POTEJ: variants seen among roughly 807,000 people sequenced by gnomAD.
POTEJ encodes POTE ankyrin domain family, member J.
A neutral mutation model predicts 69.0 loss-of-function variants in POTEJ; 11 were observed. The observed-to-expected ratio is 0.16, with a 90% CI of 0.10 to 0.26. The LOEUF is 0.26. Among genes scored for constraint, POTEJ ranks in the 10% least tolerant of loss-of-function variants. The probability of loss-of-function intolerance (pLI) is 1.00; values close to 1 mark genes in which losing one functional copy is unlikely to be tolerated. For missense variants in POTEJ, 327 were observed against 1,045.5 expected (o/e 0.31, Z 9.48); for synonymous variants, 117 against 381.1 (o/e 0.31, Z 8.07).
chr2:130,634,081 G>A (rs1686003076), intron 9 of POTEJ, among the ~76,000 whole-genome samples: 1 of 152,134 alleles, frequency 6.6e-6, no homozygotes, highest in Admixed American at 6.5e-5. Flanking sequence ...CCAGCTAATT[G>A]ACACTATGGA....
chr2:130,631,955 T>A (rs1403130230), intron 8 of POTEJ, among the ~76,000 whole-genome samples: 2 of 143,392 alleles, frequency 1.4e-5, no homozygotes. Flanking sequence ...GTTTTTGATA[T>A]CTCAGCAACC....
chr2:130,615,585 C>G (rs544121018), intron 1 of POTEJ, among the ~76,000 whole-genome samples: 6 of 140,680 alleles, frequency 4.3e-5, no homozygotes, highest in South Asian at 4.3e-4. Flanking sequence ...AGGGAAGGAA[C>G]ACACACTGGG....
rs1038620066 is a variant in POTEJ, at chr2:130,656,971, C to T, written c.2211C>T (p.Gly737=). Residue 737 remains glycine (G), a synonymous_variant, in exon 15 of 15, where the codon GGC becomes GGT. Transcript: ENST00000409602. ...CCCTGAAGTACCCCATGGAACACGG[C>T]ATCATCACCAACTGGGATGACATGG... ...ILTLKYPMEH[G]IITNWDDMEK... is the part of the protein sequence containing the mutation. 6.3e-7 allele frequency: 1 copy of T among 1,590,184 alleles called. No homozygotes were observed. Among genetic ancestry groups the T allele is most frequent in the East Asian group, 2.2e-5 (1 of 44,890 alleles).
Position 130,656,699 on chromosome 2 carries a change from A to G in POTEJ, c.1939A>G (p.Lys647Glu). Residue 647 changes from lysine (K) to glutamate (E), a missense_variant, in exon 15 of 15, where the codon AAA becomes GAA. Coordinates refer to ENST00000409602, the MANE Select transcript of POTEJ (RefSeq NM_001277083.2). ...KKYLEDIESV[K>E]KKNDNLLKAL... ...ATATTTGGAGGATATTGAAAGTGTGAAAAAAAAGAATGATAATCTTTTAAA... is the reference window on the plus strand; with the variant it reads ...ATATTTGGAGGATATTGAAAGTGTGGAAAAAAAGAATGATAATCTTTTAAA... The G allele has an allele frequency of 6.2e-7, 1 of 1,610,068 alleles. No individual in the cohort carries two copies. Among genetic ancestry groups the G allele is most frequent in the Non-Finnish European group, 8.5e-7 (1 of 1,179,780 alleles).
chr2:130,637,968 T>G (rs75582591), intron 9 of POTEJ, among the ~76,000 whole-genome samples: 1 of 111,110 alleles, frequency 9.0e-6, no homozygotes, highest in Non-Finnish European at 2.0e-5. Flanking sequence ...TGAAAAAATT[T>G]AGTTACAAAC....
chr2:130,615,006 G>T (rs1278843091), intron 1 of POTEJ, among the ~76,000 whole-genome samples: 1 of 4,776 alleles, frequency 2.1e-4, no homozygotes, highest in Non-Finnish European at 4.1e-4. Context: ...AAATATAAAT[G>T]ATTATTGCTA....
chr2:130,656,703 A>G lies in POTEJ; in HGVS notation c.1943A>G (p.Lys648Arg). 1.2e-6 allele frequency: 2 copies of G among 1,610,246 alleles called. No individual in the cohort carries two copies. The highest frequency in any genetic ancestry group is 2.2e-5 in the East Asian group (1 of 44,896). Reference sequence around the variant, plus strand: ...TTGGAGGATATTGAAAGTGTGAAAAAAAAGAATGATAATCTTTTAAAGGCT... The same window carrying G: ...TTGGAGGATATTGAAAGTGTGAAAAGAAAGAATGATAATCTTTTAAAGGCT... ...KYLEDIESVK[K>R]KNDNLLKALQ... The change falls in exon 15 of 15, where the codon AAA becomes AGA. Residue 648 changes from lysine (K) to arginine (R), a missense_variant. Transcript: ENST00000409602.
rs544291308 is a variant in POTEJ at position 130,611,793 on chromosome 2, C to A, written c.261C>A (p.Asp87Glu). ...ACGTGGGTGCTTGGGGAGACTACGACGACAGCGCCTTCGTGGAGCCGAGAT... is the reference window on the plus strand; with the variant it reads ...ACGTGGGTGCTTGGGGAGACTACGAAGACAGCGCCTTCGTGGAGCCGAGAT... The part of the protein sequence containing the change: ...KSNVGAWGDY[D>E]DSAFVEPRYH... Residue 87 changes from aspartate to glutamate, a missense_variant, in exon 1 of 15, where the codon GAC becomes GAA. By Grantham distance (45) the Asp-to-Glu change is conservative (BLOSUM62 2). Transcript: ENST00000409602. 6.4e-5 allele frequency: 96 copies of A among 1,494,428 alleles called. No homozygotes were observed. In the Middle Eastern group the frequency reaches 8.3e-4, roughly 13 times the overall value. The allele number at this position is 1,494,428 out of a possible 1,614,324, so 92.6% of individuals were successfully genotyped here. A position where few individuals can be genotyped will look rare whatever the true frequency, so the allele number is the denominator to read the frequency against.
intron 1 of POTEJ, among the ~76,000 whole-genome samples, chr2:130,612,757 C>T (rs1187315472): frequency 1.6e-5 from 2 of 128,404 alleles, no homozygotes; most frequent in Admixed American, 8.2e-5. Context: ...AGCGAGATTC[C>T]GTCTCAAAAA....
chr2:130,639,495 T>A (rs1283341296), intron 10 of POTEJ, among the ~76,000 whole-genome samples: 1 of 152,288 alleles, frequency 6.6e-6, no homozygotes, highest in Admixed American at 6.5e-5. Context: ...TCTGCTACCA[T>A]TTGCCAAAAG....
rs1367557287 is a variant in POTEJ at position 130,657,099 on chromosome 2, A to G, written c.2339A>G (p.Glu780Gly). ...CCCCTGAACCCCAAGGCCAACCGCG[A>G]GAAGATGACCCAGATCATGTTTGAG... The part of the protein sequence containing the change: ...EAPLNPKANR[E>G]KMTQIMFETF... Residue 780 changes from glutamate (E) to glycine (G), a missense_variant, in exon 15 of 15, where the codon GAG becomes GGG. Glu to Gly is a moderately conservative substitution (Grantham distance 98). Coordinates refer to ENST00000409602, the MANE Select transcript of POTEJ (RefSeq NM_001277083.2). 6.3e-7 allele frequency: 1 copy of G among 1,576,768 alleles called. No individual in the cohort carries two copies. The highest frequency in any genetic ancestry group is 8.7e-7 in the Non-Finnish European group (1 of 1,154,818).
rs529760818 is a variant in POTEJ, at chr2:130,648,152, A to T, written c.1667+1842A>T. 2.1e-4 allele frequency among the ~76,000 whole-genome samples: 31 copies of T among 146,896 alleles called. 4 individuals are homozygous for T. The highest frequency in any genetic ancestry group is 7.1e-4 in the African/African-American group (28 of 39,360). ...AGAGTTTTAGTATTTCTTGGTCTTT[A>T]TGTATAAGCATGAACAAAATGATAA... is the stretch of plus-strand genomic sequence containing the variant. On this transcript the variant is annotated intron_variant, in intron 13 of 14. Coordinates refer to ENST00000409602, the MANE Select transcript of POTEJ (RefSeq NM_001277083.2).
At chr2:130,632,118 C>T (rs1685926409) in intron 8 of POTEJ, among the ~76,000 whole-genome samples, 2 of 150,034 alleles carry the variant, frequency 1.3e-5, no homozygotes, top group African/African-American at 5.1e-5. Flanking sequence ...ACAGAAGACA[C>T]ATTTTGCATC....
intron 3 of POTEJ, among the ~76,000 whole-genome samples, chr2:130,618,466 T>C (rs1291334495): frequency 4.7e-5 from 7 of 148,972 alleles, no homozygotes; most frequent in African/African-American, 1.8e-4. Context: ...AAGCCAGGCA[T>C]GGTGGTGCAT....
At chr2:130,648,064 T>G (rs1247339730) in intron 13 of POTEJ, among the ~76,000 whole-genome samples, 2 of 148,340 alleles carry the variant, frequency 1.3e-5, no homozygotes, top group Admixed American at 6.7e-5. Context: ...ACTTCATATA[T>G]TTGATGAGTG....
At chr2:130,644,456 G>A (rs1327284344) in intron 11 of POTEJ, among the ~76,000 whole-genome samples, 6 of 152,214 alleles carry the variant, frequency 3.9e-5, no homozygotes, top group African/African-American at 7.2e-5. Context: ...GTGACAGAGC[G>A]AGACTCCATC....
At chr2:130,613,044 T>C (rs1685270626) in intron 1 of POTEJ, among the ~76,000 whole-genome samples, 1 of 135,256 alleles carries the variant, frequency 7.4e-6, no homozygotes, top group African/African-American at 2.8e-5. Flanking sequence ...TATGTAAGAA[T>C]TTAGCACTTG....
intron 1 of POTEJ, among the ~76,000 whole-genome samples, chr2:130,613,026 C>A (rs1329206658): frequency 7.4e-6 from 1 of 134,500 alleles, no homozygotes; most frequent in Non-Finnish European, 1.6e-5. Context: ...TTTAGAAATA[C>A]CCAAATATAT....
intron 10 of POTEJ, among the ~76,000 whole-genome samples, chr2:130,639,247 G>T (rs1381625935): frequency 6.6e-6 from 1 of 152,220 alleles, no homozygotes; most frequent in Non-Finnish European, 1.5e-5. Context: ...GTGGAGCCCT[G>T]CTCTGGGAGG....
Sources: gnomAD v4.1 joint callset for allele counts (sites outside exome capture counted in the v4.1 genomes callset) on GRCh38, gnomAD v4.1.1 for gene constraint, MANE v1.5 for transcripts, NCBI Gene and HGNC (gene_info 2026-07-23, HGNC 2026-07-21) for gene names.